SLC16A4: variants seen among roughly 807,000 people sequenced by gnomAD.
SLC16A4 encodes solute carrier family 16 member 4, also known as probable monocarboxylate transporter 5.
SLC16A4 carries 39 observed loss-of-function variants against 47.9 expected under a neutral mutation model. That is an observed-to-expected ratio of 0.81 (90% CI 0.63 to 1.06). The LOEUF is 1.06. SLC16A4 is among the 50% of genes least tolerant of loss of function. The pLI is 0.00. For missense variants in SLC16A4, 524 were observed against 573.8 expected, an observed-to-expected ratio of 0.91 and a Z score of 0.89; for synonymous variants, 189 against 199.9, an observed-to-expected ratio of 0.95 and a Z score of 0.46.
Position 110,363,908 on chromosome 1 carries a change from T to G in SLC16A4, c.1337-15A>C. 1 of 1,589,164 alleles carries G rather than the reference T, an allele frequency of 6.3e-7. No homozygotes were observed. The highest frequency in any genetic ancestry group is 8.5e-7 in the Non-Finnish European group (1 of 1,171,878). On this transcript the variant is annotated splice_polypyrimidine_tract_variant and intron_variant, in intron 8 of 8. Transcript: ENST00000369779. ...ATATAACCAGCCTGGAAGGAAGGAATGATTTCTGTTAGGGAAGGAAATTTT... is the reference window on the plus strand; with the variant it reads ...ATATAACCAGCCTGGAAGGAAGGAAGGATTTCTGTTAGGGAAGGAAATTTT...
chr1:110,375,357 C>T (rs891017800), intron 8 of SLC16A4, 101 bp downstream of exon 8: 1 of 731,484 alleles, frequency 1.4e-6, no homozygotes, highest in Non-Finnish European at 2.4e-6. Flanking sequence ...TAATCTGTTT[C>T]TTTTAACCTG....
chr1:110,369,292 T>C (rs1426894819), intron 8 of SLC16A4, among the ~76,000 whole-genome samples: 2 of 151,960 alleles, frequency 1.3e-5, no homozygotes, highest in Admixed American at 1.3e-4. Flanking sequence ...AAGTTTACTA[T>C]TGGTCATCTT....
rs148350062 is a variant in SLC16A4, at chr1:110,381,784, C to A, written c.232G>T (p.Ala78Ser). 1.8e-4 allele frequency: 295 copies of A among 1,612,666 alleles called. No homozygotes were observed. The African/African-American group carries it at 3.2e-3, about 18-fold the overall frequency. The stretch of plus-strand genomic sequence containing the variant: ...TCTCCAAGTATGTCACAAATAATAG[C>A]AACCAGGGGACCTTAAGAGAAGAAA... ...SLRFCAGPLV[A>S]IICDILGEKT... Residue 78 changes from alanine (A) to serine (S), a missense_variant, in exon 4 of 9, where the codon GCT becomes TCT. Coordinates refer to ENST00000369779, the MANE Select transcript of SLC16A4 (RefSeq NM_004696.3).
chr1:110,389,883 A>C (rs1322876060), intron 1 of SLC16A4, among the ~76,000 whole-genome samples: 2 of 152,144 alleles, frequency 1.3e-5, no homozygotes, highest in Non-Finnish European at 2.9e-5. Flanking sequence ...AACCACAGAC[A>C]CTGGGGACTA....
At chr1:110,372,314 T>G (rs1661728131) in intron 8 of SLC16A4, 1 of 152,234 alleles carries the variant, frequency 6.6e-6, no homozygotes, top group South Asian at 2.1e-4. Flanking sequence ...TATAGGAGTT[T>G]CAACTTTTGC....
At chr1:110,388,273 C>A (rs186491125) in intron 2 of SLC16A4, among the ~76,000 whole-genome samples, 3 of 152,254 alleles carry the variant, frequency 2.0e-5, no homozygotes. Context: ...ACACCTCAAC[C>A]CCTGGGAGGG....
chr1:110,383,811 T>TTTTTTG (rs1662573268), intron 2 of SLC16A4, among the ~76,000 whole-genome samples: 1 of 80,582 alleles, frequency 1.2e-5, no homozygotes, highest in Non-Finnish European at 2.4e-5. Flanking sequence ...GGAGGTTTTT[T>TTTTTTG]TTTTTTTTTT....
intron 2 of SLC16A4, among the ~76,000 whole-genome samples, chr1:110,386,778 C>A (rs1299684090): frequency 6.6e-6 from 1 of 152,168 alleles, no homozygotes; most frequent in African/African-American, 2.4e-5. Flanking sequence ...CACAGGCAAA[C>A]TTCTGTAAAA....
At position 110,378,912 on chromosome 1, in the gene SLC16A4, G is replaced by A. The variant is rs555386251; in HGVS notation, c.971C>T (p.Ala324Val). ...GTCAATCCCCAGTGTTTTGGCTCTG[G>A]CTACCAGGTGAAAGGTAGGGATGAA... is the stretch of plus-strand genomic sequence containing the variant. Reference protein sequence around the residue: ...AYFIPTFHLVARAKTLGIDIM... With the variant: ...AYFIPTFHLVVRAKTLGIDIM... The change falls in exon 6 of 9, where the codon GCC (alanine) becomes GTC (valine). Residue 324 changes from alanine (A) to valine (V), a missense_variant. Transcript: ENST00000369779. 3 of 1,614,158 alleles carry A rather than the reference G, an allele frequency of 1.9e-6. No homozygotes were observed. Among genetic ancestry groups the A allele is most frequent in the Admixed American group, 1.7e-5 (1 of 60,018 alleles).
chr1:110,377,807 T>G (rs36112371), intron 6 of SLC16A4, among the ~76,000 whole-genome samples: 1 of 152,030 alleles, frequency 6.6e-6, no homozygotes, highest in Non-Finnish European at 1.5e-5. Context: ...AAAATAGTTG[T>G]TTTTATTTAT....
chr1:110,377,915 C>T (rs570346637), intron 6 of SLC16A4, among the ~76,000 whole-genome samples: 166 of 152,252 alleles, frequency 1.1e-3, no homozygotes, highest in African/African-American at 3.6e-3. Flanking sequence ...CTGCAAGCTC[C>T]GCCTCCCGGG....
chr1:110,380,481 A>G (rs1296076537), intron 5 of SLC16A4, among the ~76,000 whole-genome samples: 3 of 152,206 alleles, frequency 2.0e-5, no homozygotes, highest in African/African-American at 7.2e-5. Context: ...TATAGTTGAC[A>G]TTACATAAAC....
At chr1:110,383,805 G>GTTTTTTTTTTTTTTTTTTT (rs71096348) in intron 2 of SLC16A4, among the ~76,000 whole-genome samples, 6 of 65,740 alleles carry the variant, frequency 9.1e-5, no homozygotes, top group East Asian at 5.3e-4. Flanking sequence ...TTAAAAGGAG[G>GTTTTTTTTTTTTTTTTTTT]TTTTTTTTTT....
At position 110,363,795 on chromosome 1, in the gene SLC16A4, C is replaced by T. The variant is rs1661210735; in HGVS notation, c.1435G>A (p.Ala479Thr). ...SSVSFFFVPL[A>T]ERWKNSLT ...GTCAGACTGTTTTTCCATCTTTCGG[C>T]CAATGGTACAAAAAAAAAGGAAACT... The change falls in exon 9 of 9, where the codon GCC (alanine) becomes ACC (threonine). Residue 479 changes from alanine to threonine, a missense_variant. Transcript: ENST00000369779. The T allele has an allele frequency of 6.2e-7, 1 of 1,609,770 alleles. No homozygotes were observed.
intron 8 of SLC16A4, chr1:110,372,469 A>G (rs896211133): frequency 2.6e-5 from 4 of 152,230 alleles, no homozygotes; most frequent in Non-Finnish European, 5.9e-5. Context: ...AGTTCTGCCT[A>G]CACCTGCAAG....
intron 7 of SLC16A4, among the ~76,000 whole-genome samples, chr1:110,376,240 T>C (rs1210977345): frequency 6.6e-6 from 1 of 152,204 alleles, no homozygotes; most frequent in Non-Finnish European, 1.5e-5. Flanking sequence ...AGTAATCAGA[T>C]ATCACAAGGA....
At chr1:110,382,757 CA>C (rs1328707362) in intron 3 of SLC16A4, 76 bp downstream of exon 3, 1 of 1,336,804 alleles carries the variant, frequency 7.5e-7, no homozygotes, top group Non-Finnish European at 9.9e-7. Flanking sequence ...AATTCCTATT[CA>C]GTCTTGAATA....
Position 110,381,700 on chromosome 1 carries a change from A to G in SLC16A4, c.316T>C (p.Trp106Arg). The G allele has an allele frequency of 1.2e-6, 2 of 1,613,818 alleles. No individual in the cohort carries two copies. Among genetic ancestry groups the G allele is most frequent in the Non-Finnish European group, 1.7e-6 (2 of 1,179,912 alleles). ...CAAAGAAAAGGAATACTTGTGGCCC[A>G]GCTGCTGATCAGATATCCACCAGTA... ...VVTGGYLISS[W>R]ATSIPFLCVT... Residue 106 changes from tryptophan to arginine, a missense_variant, in exon 4 of 9, where the codon TGG (tryptophan) becomes CGG (arginine). Physicochemically the swap from Trp to Arg is moderately radical, Grantham distance 101 (BLOSUM62 -3). Transcript: ENST00000369779.
At chr1:110,364,042 G>A in intron 8 of SLC16A4, 149 bp from the exon 9 acceptor site, 1 of 675,664 alleles carries the variant, frequency 1.5e-6, no homozygotes, top group Non-Finnish European at 2.2e-6. Flanking sequence ...TTTCACTGAT[G>A]AAGTTGAATC....
Sources: gnomAD v4.1 joint callset for allele counts (sites outside exome capture counted in the v4.1 genomes callset) on GRCh38, gnomAD v4.1.1 for gene constraint, MANE v1.5 for transcripts, NCBI Gene and HGNC (gene_info 2026-07-23, HGNC 2026-07-21) for gene names.